The following RNF166 variants were observed in gnomAD, a reference collection of about 807,000 sequenced individuals.
RNF166 encodes the protein E3 ubiquitin-protein ligase RNF166.
A neutral mutation model predicts 29.4 loss-of-function variants in RNF166; 19 were observed. That is an observed-to-expected ratio of 0.65 (90% CI 0.45 to 0.95). RNF166 has a LOEUF of 0.95. RNF166 is among the 40% of genes least tolerant of loss of function. RNF166 has a pLI of 0.00. For missense variants in RNF166, 347 were observed against 322.1 expected, an observed-to-expected ratio of 1.08 and a Z score of -0.59; for synonymous variants, 171 against 134.5, an observed-to-expected ratio of 1.27 and a Z score of -1.88.
At chr16:88,701,689 C>T (rs746931627) in intron 1 of RNF166, 175 of 437,474 alleles carry the variant, frequency 4.0e-4, no homozygotes, top group Non-Finnish European at 5.1e-4. Context: ...TGGCTGTCCC[C>T]GCGAGTGGGC....
At chr16:88,698,923 C>G in intron 4 of RNF166, 48 bp downstream of exon 4, 1 of 1,406,080 alleles carries the variant, frequency 7.1e-7, no homozygotes, top group Non-Finnish European at 9.8e-7. Context: ...TACTGTCCCC[C>G]ACAGGCCTCC....
chr16:88,701,840 T>C (rs1276934869), intron 1 of RNF166, among the ~76,000 whole-genome samples: 1 of 152,092 alleles, frequency 6.6e-6, no homozygotes, highest in Non-Finnish European at 1.5e-5. Context: ...CTCTGGGGGA[T>C]AAAACCTCAA....
rs1295660373 is a variant in RNF166 at position 88,704,100 on chromosome 16, C to T, written c.155+2071G>A. 3 of 983,836 alleles carry T rather than the reference C, an allele frequency of 3.0e-6. No individual in the cohort carries two copies. The African/African-American group carries it at 5.3e-5, about 17-fold the overall frequency. The allele number at this position is 983,836 out of a possible 1,614,324, so 60.9% of individuals were successfully genotyped here. Reference sequence around the variant, plus strand: ...ATGCCCCCACACTGGGATACTCTTGCCATGAGAGATCTACCCTGGAGGAGG... The same window carrying T: ...ATGCCCCCACACTGGGATACTCTTGTCATGAGAGATCTACCCTGGAGGAGG... On this transcript the variant is annotated intron_variant, in intron 1 of 5. Transcript: ENST00000312838.
In RNF166 at chr16:88,698,485, G is replaced by A. The variant is rs1299432958; in HGVS notation, c.648+17C>T. Reference sequence around the variant, plus strand: ...TGAGGAGGGCGTGGGGGAGGACGGTGCTGGCGGGATGCCTACCACAAAGGT... The same window carrying A: ...TGAGGAGGGCGTGGGGGAGGACGGTACTGGCGGGATGCCTACCACAAAGGT... On this transcript the variant is annotated intron_variant, in intron 5 of 5. Coordinates refer to ENST00000312838, the MANE Select transcript of RNF166 (RefSeq NM_178841.4). The A allele has an allele frequency of 6.5e-6, 10 of 1,546,622 alleles. No individual in the cohort carries two copies. Among genetic ancestry groups the A allele is most frequent in the Non-Finnish European group, 8.8e-6 (10 of 1,140,878 alleles).
Position 88,705,905 on chromosome 16 carries a change from G to A in RNF166, c.155+266C>T, listed in dbSNP as rs921305131. ...CGCCGGGGACCCCGAGCTTGGGCAG[G>A]GCCGCAGGTCGCCCGGTGAACCGAA... On this transcript the variant is annotated intron_variant, in intron 1 of 5. Transcript: ENST00000312838. 9.9e-5 allele frequency among the ~76,000 whole-genome samples: 15 copies of A among 152,178 alleles called. 5 individuals carry two copies. Among genetic ancestry groups the A allele is most frequent in the Admixed American group, 9.8e-4 (15 of 15,296 alleles).
rs1268343234 is a variant in RNF166 at position 88,697,602 on chromosome 16, T to C, written c.680A>G (p.Gln227Arg). 6.4e-7 allele frequency: 1 copy of C among 1,551,750 alleles called. No individual in the cohort carries two copies. Among genetic ancestry groups the C allele is most frequent in the Admixed American group, 2.0e-5 (1 of 51,270 alleles). ...AGAGAGAGACAGGGCCAGAGCAGCCTGGAAGGCGGCCTCCTCGTCAATACT... is the reference window on the plus strand; with the variant it reads ...AGAGAGAGACAGGGCCAGAGCAGCCCGGAAGGCGGCCTCCTCGTCAATACT... ...DYSIDEEAAFQAALALSLSEN is the reference protein window; with the variant it reads ...DYSIDEEAAFRAALALSLSEN Residue 227 changes from glutamine (Q) to arginine (R), a missense_variant, in exon 6 of 6, where the codon CAG becomes CGG. Transcript: ENST00000312838.
rs992333653 is a variant in RNF166 at position 88,706,285 on chromosome 16, C to G, written c.41G>C (p.Arg14Pro). ...GCCCGCCGGCCCGGCCGGCGGCTGC[C>G]GCTGCTGAGCCGAGGCCACCAGGCT... ...FRSLVASAQQ[R>P]QPPAGPAGGD... The change falls in exon 1 of 6, where the codon CGG (arginine) becomes CCG (proline). Residue 14 changes from arginine to proline, a missense_variant. Physicochemically the swap from Arg to Pro is moderately radical, Grantham distance 103. Coordinates refer to ENST00000312838, the MANE Select transcript of RNF166 (RefSeq NM_178841.4). The G allele has an allele frequency of 2.6e-5, 33 of 1,288,372 alleles. No individual in the cohort carries two copies. Among genetic ancestry groups the G allele is most frequent in the Non-Finnish European group, 3.1e-5 (32 of 1,018,102 alleles). 79.8% of individuals were successfully genotyped at this position (1,288,372 alleles called of 1,614,324 possible). A position where few individuals can be genotyped will look rare whatever the true frequency, so the allele number is the denominator to read the frequency against.
chr16:88,702,521 C>G (rs901220454), intron 1 of RNF166, among the ~76,000 whole-genome samples: 1 of 152,172 alleles, frequency 6.6e-6, no homozygotes, highest in African/African-American at 2.4e-5. Context: ...TTTCCACATC[C>G]CTCAAGAAAA....
rs779502342 is a variant in RNF166 at position 88,701,402 on chromosome 16, G to A, written c.172C>T (p.Leu58Phe). The A allele has an allele frequency of 6.2e-7, 1 of 1,601,676 alleles. No individual in the cohort carries two copies. The highest frequency in any genetic ancestry group is 1.3e-5 in the African/African-American group (1 of 74,794). ...GATGGCACCTGCAGGCAGGGCTGGA[G>A]ACACTCCCCGCAGAACCTGCAGGGC... ...SCGHTFCGECLQPCLQVPSPL... is the reference protein window; with the variant it reads ...SCGHTFCGECFQPCLQVPSPL... The change falls in exon 2 of 6, where the codon CTC becomes TTC. Residue 58 changes from leucine to phenylalanine, a missense_variant. By Grantham distance (22) the Leu-to-Phe change is conservative. Transcript: ENST00000312838.
Position 88,706,156 on chromosome 16 carries a change from G to A in RNF166, c.155+15C>T. On this transcript the variant is annotated intron_variant, in intron 1 of 5. Transcript: ENST00000312838. ...CACGGCCCCCTCCCCGCGGCCCCTG[G>A]GCGGGCGCGCTCACGTGTGGCCGCA... The A allele has an allele frequency of 8.4e-7, 1 of 1,196,232 alleles. No individual in the cohort carries two copies. The highest frequency in any genetic ancestry group is 1.0e-6 in the Non-Finnish European group (1 of 966,584). The allele number at this position is 1,196,232 out of a possible 1,614,324, so 74.1% of individuals were successfully genotyped here.
Position 88,706,221 on chromosome 16 carries a change from G to T in RNF166, c.105C>A (p.Ile35=), listed in dbSNP as rs1490548474. 5.3e-6 allele frequency: 7 copies of T among 1,325,036 alleles called. No homozygotes were observed. In the African/African-American group the frequency reaches 1.1e-4, roughly 21 times the overall value. 82.1% of individuals were successfully genotyped at this position (1,325,036 alleles called of 1,614,324 possible). Reference sequence around the variant, plus strand: ...CGGGCCGGTGATAGACCTCCAGGCAGATGGGGCAGGTGTACTGCGCCTCCA... The same window carrying T: ...CGGGCCGGTGATAGACCTCCAGGCATATGGGGCAGGTGTACTGCGCCTCCA... The part of the protein sequence containing the change: ...SGLEAQYTCP[I]CLEVYHRPVA... Residue 35 remains isoleucine (I), a synonymous_variant, in exon 1 of 6, where the codon ATC becomes ATA. Coordinates refer to ENST00000312838, the MANE Select transcript of RNF166 (RefSeq NM_178841.4).
intron 2 of RNF166, 51 bp from the exon 3 acceptor site, chr16:88,699,783 C>CTCCCCA: frequency 7.0e-7 from 1 of 1,426,544 alleles, no homozygotes; most frequent in Non-Finnish European, 9.7e-7. Context: ...CTGGAAGGGC[C>CTCCCCA]GTCCTGGGGA....
At position 88,696,861 on chromosome 16, in the gene RNF166, C is replaced by G; in HGVS notation, c.*707G>C. 1 of 292,730 alleles carries G rather than the reference C, an allele frequency of 3.4e-6. No individual in the cohort carries two copies. Among genetic ancestry groups the G allele is most frequent in the South Asian group, 2.9e-5 (1 of 34,240 alleles). 18.1% of individuals were successfully genotyped at this position (292,730 alleles called of 1,614,324 possible). A position where few individuals can be genotyped will look rare whatever the true frequency, so the allele number is the denominator to read the frequency against. ...ACACAGTGGGTGGCCAGGGCAGACC[C>G]CACAGCAGACCCCATGGCTCGCCTG... On this transcript the variant is annotated 3_prime_UTR_variant, in exon 6 of 6. Coordinates refer to ENST00000312838, the MANE Select transcript of RNF166 (RefSeq NM_178841.4).
intron 1 of RNF166, chr16:88,703,812 C>A (rs1910507133): frequency 2.0e-6 from 2 of 985,452 alleles, no homozygotes; most frequent in Non-Finnish European, 2.4e-6. Context: ...ACACTGGCCG[C>A]TGCACAAGCT....
chr16:88,700,770 C>A, intron 2 of RNF166: 1 of 1,001,390 alleles, frequency 1.0e-6, no homozygotes, highest in African/African-American at 1.7e-5. Flanking sequence ...CCATGACAAG[C>A]TGCAGGCCCT....
Position 88,697,491 on chromosome 16 carries a change from C to A in RNF166, c.*77G>T. Reference sequence around the variant, plus strand: ...TGAGCTCAGTCCGGTGAGGTGCGCTCCCGAGCAGGTGCCAGGTGCGACACA... The same window carrying A: ...TGAGCTCAGTCCGGTGAGGTGCGCTACCGAGCAGGTGCCAGGTGCGACACA... On this transcript the variant is annotated 3_prime_UTR_variant, in exon 6 of 6. Transcript: ENST00000312838. The A allele has an allele frequency of 2.7e-6, 3 of 1,112,302 alleles. No homozygotes were observed. The highest frequency in any genetic ancestry group is 1.4e-5 in the South Asian group (1 of 73,670). 68.9% of individuals were successfully genotyped at this position (1,112,302 alleles called of 1,614,324 possible).
rs1404597069 is a variant in RNF166, at chr16:88,706,339, C to CCGCGCCG, written c.-21_-15dup. On this transcript the variant is annotated 5_prime_UTR_variant, in exon 1 of 6. Coordinates refer to ENST00000312838, the MANE Select transcript of RNF166 (RefSeq NM_178841.4). The stretch of plus-strand genomic sequence containing the variant: ...GAACATAGCCATCCCGGGGCCAGGC[C>CCGCGCCG]CGCGCCGCCCGCCGCCCGCTGTCCT... 8.3e-7 allele frequency: 1 copy of CCGCGCCG among 1,210,182 alleles called. No individual in the cohort carries two copies. The highest frequency in any genetic ancestry group is 1.0e-6 in the Non-Finnish European group (1 of 973,770). 75.0% of individuals were successfully genotyped at this position (1,210,182 alleles called of 1,614,324 possible). A position where few individuals can be genotyped will look rare whatever the true frequency, so the allele number is the denominator to read the frequency against.
intron 2 of RNF166, 80 bp downstream of exon 2, chr16:88,701,182 C>T (rs1597407156): frequency 6.4e-7 from 1 of 1,556,468 alleles, no homozygotes. Context: ...GGGCCCCGGC[C>T]CCCACCCTCT....
At chr16:88,705,255 A>T (rs1347515309) in intron 1 of RNF166, among the ~76,000 whole-genome samples, 1 of 152,138 alleles carries the variant, frequency 6.6e-6, no homozygotes, top group Non-Finnish European at 1.5e-5. Flanking sequence ...AAGTCAGCTG[A>T]CTTTGCTTGC....
Sources: gnomAD v4.1 joint callset for allele counts (sites outside exome capture counted in the v4.1 genomes callset) on GRCh38, gnomAD v4.1.1 for gene constraint, MANE v1.5 for transcripts, NCBI Gene and HGNC (gene_info 2026-07-23, HGNC 2026-07-21) for gene names.